The following AGAP2 variants were observed in gnomAD, a reference collection of about 807,000 sequenced individuals.
AGAP2 encodes the protein ArfGAP with GTPase domain, ankyrin repeat and PH domain 2, also known as arf-GAP with GTPase, ANK repeat and PH domain-containing protein 2.
In AGAP2, 32 loss-of-function variants were observed where a neutral mutation model predicts 110.9. The observed-to-expected ratio is 0.29, with a 90% CI of 0.22 to 0.39. The LOEUF is 0.39. Among genes scored for constraint, AGAP2 ranks in the 10% least tolerant of loss-of-function variants. The probability of loss-of-function intolerance (pLI) is 1.00; values close to 1 mark genes in which losing one functional copy is unlikely to be tolerated. For missense variants in AGAP2, 1,285 were observed against 1,638.5 expected (o/e 0.78, Z 3.72); for synonymous variants, 702 against 713.0 (o/e 0.98, Z 0.25).
chr12:57,738,051 G>T lies in AGAP2; in HGVS notation c.196C>A (p.His66Asn). 2.0e-6 allele frequency: 3 copies of T among 1,522,418 alleles called. No homozygotes were observed. The highest frequency in any genetic ancestry group is 2.8e-5 in the African/African-American group (2 of 70,760). The allele number at this position is 1,522,418 out of a possible 1,614,324, so 94.3% of individuals were successfully genotyped here. ...RGAEEPGKKR[H>N]ERLFHRQDAL... ...TCCTGCCGGTGGAAGAGACGTTCGTGCCGCTTCTTGCCCGGCTCCTCCGCG... is the reference window on the plus strand; with the variant it reads ...TCCTGCCGGTGGAAGAGACGTTCGTTCCGCTTCTTGCCCGGCTCCTCCGCG... Residue 66 changes from histidine to asparagine, a missense_variant, in exon 1 of 19, where the codon CAC (histidine) becomes AAC (asparagine). His to Asn is a moderately conservative substitution (Grantham distance 68). Transcript: ENST00000547588. This position sits in a 1 kb window ranked among gnomAD's most constrained non-coding sequence, Gnocchi z 6.7.
At chr12:57,740,605 G>A (rs910611616), upstream of AGAP2, among the ~76,000 whole-genome samples, 6 of 152,046 alleles carry the variant, frequency 3.9e-5, no homozygotes, top group Non-Finnish European at 7.4e-5. Context: ...GGCCTAAACC[G>A]CTCTTCTCCT....
Position 57,732,230 on chromosome 12 carries a change from G to T in AGAP2, c.1794+173C>A, listed in dbSNP as rs561073079. On this transcript the variant is annotated intron_variant, in intron 7 of 18. Coordinates refer to ENST00000547588, the MANE Select transcript of AGAP2 (RefSeq NM_001122772.3). ...GTTGCTTAAGGACACTGCAAATGAT[G>T]TCTCAAATCTGGTTGATTTCCAGTC... 3.3e-5 allele frequency among the ~76,000 whole-genome samples: 5 copies of T among 152,318 alleles called. No individual in the cohort carries two copies. The East Asian group carries it at 5.8e-4, about 18-fold the overall frequency.
At chr12:57,728,877 A>G (rs1381790959) in intron 13 of AGAP2, among the ~76,000 whole-genome samples, 1 of 152,144 alleles carries the variant, frequency 6.6e-6, no homozygotes, top group Non-Finnish European at 1.5e-5. Context: ...TATCGGGAGA[A>G]GGCCGGGCAC....
chr12:57,726,902 G>C lies in AGAP2; in HGVS notation c.3336+72C>G. On this transcript the variant is annotated intron_variant, in intron 18 of 18. Transcript: ENST00000547588. This position sits in a 1 kb window ranked among gnomAD's most constrained non-coding sequence, Gnocchi z 5.7. Reference sequence around the variant, plus strand: ...CTTCCGGGGTCCCTCTGGGAATTTCGGGCTTTCCCGCGCCAGGCGTTTTCC... The same window carrying C: ...CTTCCGGGGTCCCTCTGGGAATTTCCGGCTTTCCCGCGCCAGGCGTTTTCC... 1.4e-6 allele frequency: 2 copies of C among 1,481,278 alleles called. No individual in the cohort carries two copies. The highest frequency in any genetic ancestry group is 2.3e-5 in the East Asian group (1 of 42,826). The allele number at this position is 1,481,278 out of a possible 1,614,324, so 91.8% of individuals were successfully genotyped here. A position where few individuals can be genotyped will look rare whatever the true frequency, so the allele number is the denominator to read the frequency against.
rs576875241 is a variant in AGAP2, at chr12:57,734,152, C to T, written c.1423G>A (p.Val475Met). 6.2e-7 allele frequency: 1 copy of T among 1,612,056 alleles called. No individual in the cohort carries two copies. Among genetic ancestry groups the T allele is most frequent in the African/African-American group, 1.3e-5 (1 of 75,026 alleles). The change falls in exon 5 of 19, where the codon GTG becomes ATG. Residue 475 changes from valine to methionine, a missense_variant. Coordinates refer to ENST00000547588, the MANE Select transcript of AGAP2 (RefSeq NM_001122772.3). Reference sequence around the variant, plus strand: ...TCCTCCAGGCTGAAGACGAAGATCACAGCATCTGCCCAGCCTGAGAACTTG... The same window carrying T: ...TCCTCCAGGCTGAAGACGAAGATCATAGCATCTGCCCAGCCTGAGAACTTG... ...DAKFSGWADA[V>M]IFVFSLEDEN...
chr12:57,741,217 G>A (rs1595099817), upstream of AGAP2, among the ~76,000 whole-genome samples: 4 of 152,272 alleles, frequency 2.6e-5, no homozygotes, highest in South Asian at 8.3e-4. Context: ...GTGGCGGATG[G>A]TGTTGCCATG....
rs750480607 is a variant in AGAP2, at chr12:57,731,926, G to C, written c.1836C>G (p.Leu612=). 9.3e-6 allele frequency: 15 copies of C among 1,613,792 alleles called. No homozygotes were observed. Among genetic ancestry groups the C allele is most frequent in the Non-Finnish European group, 1.3e-5 (15 of 1,179,984 alleles). The part of the protein sequence containing the change: ...GGHTSDYSSS[L]PSSPNVGHRE... Reference sequence around the variant, plus strand: ...GGTGACCAACATTCGGTGAGGACGGGAGGGAAGAAGAGTAGTCGCTAGTGT... The same window carrying C: ...GGTGACCAACATTCGGTGAGGACGGCAGGGAAGAAGAGTAGTCGCTAGTGT... Residue 612 remains leucine, a synonymous_variant, in exon 8 of 19, where the codon CTC becomes CTG. Coordinates refer to ENST00000547588, the MANE Select transcript of AGAP2 (RefSeq NM_001122772.3).
upstream of AGAP2, among the ~76,000 whole-genome samples, chr12:57,741,501 A>G (rs780148264): frequency 5.3e-5 from 8 of 152,062 alleles, no homozygotes; most frequent in Non-Finnish European, 1.0e-4. Context: ...CTACAGCTGG[A>G]GAACAAGAGG....
chr12:57,738,007 C>A lies in AGAP2; in HGVS notation c.240G>T (p.Thr80=), dbSNP rs886167380. ...FHRQDALWIS[T]SSAGTGGAEP... ...CCGCGCCCCCGGTGCCCGCGCTGCT[C>A]GTGCTGATCCACAGCGCATCCTGCC... Residue 80 remains threonine, a synonymous_variant, in exon 1 of 19, where the codon ACG becomes ACT. Transcript: ENST00000547588. The surrounding 1 kb of genome is among the most constrained non-coding windows in gnomAD (Gnocchi z 6.7). 6.7e-7 allele frequency: 1 copy of A among 1,499,342 alleles called. No individual in the cohort carries two copies. Among genetic ancestry groups the A allele is most frequent in the South Asian group, 1.2e-5 (1 of 80,510 alleles). The allele number at this position is 1,499,342 out of a possible 1,614,324, so 92.9% of individuals were successfully genotyped here.
chr12:57,737,900 G>T lies in AGAP2; in HGVS notation c.347C>A (p.Ala116Asp), dbSNP rs992635664. The T allele has an allele frequency of 4.3e-6, 6 of 1,397,542 alleles. No individual in the cohort carries two copies. In the Admixed American group the frequency reaches 2.1e-4, roughly 50 times the overall value. 86.6% of individuals were successfully genotyped at this position (1,397,542 alleles called of 1,614,324 possible). A position where few individuals can be genotyped will look rare whatever the true frequency, so the allele number is the denominator to read the frequency against. Residue 116 changes from alanine (A) to aspartate (D), a missense_variant, in exon 1 of 19, where the codon GCC (alanine) becomes GAC (aspartate). This residue lies in a region of AGAP2 where 844 missense variants were observed against 941.2 expected (regional missense o/e 0.90). Transcript: ENST00000547588. This position sits in a 1 kb window ranked among gnomAD's most constrained non-coding sequence, Gnocchi z 5.9. ...PAPGRRLSLW[A>D]VPPGPPLSGG... ...GGAGAGCGGGGGTCCCGGAGGGACG[G>T]CCCAGAGGGAGAGGCGGCGGCCGGG...
chr12:57,733,952 C>G, intron 5 of AGAP2, 74 bp downstream of exon 5: 1 of 1,492,158 alleles, frequency 6.7e-7, no homozygotes, highest in Non-Finnish European at 8.9e-7. Flanking sequence ...CAAGTTCTCA[C>G]CCATGTTGGG....
rs1309401339 is a variant in AGAP2, at chr12:57,730,775, C to A, written c.2308+16G>T. The A allele has an allele frequency of 1.2e-6, 2 of 1,613,524 alleles. No homozygotes were observed. The highest frequency in any genetic ancestry group is 3.3e-5 in the Admixed American group (2 of 60,024). ...CCTGGCCCCTCTTCTGCTCCTATGTCATAAACCTTACTCACCCAGGCCTTC... is the reference window on the plus strand; with the variant it reads ...CCTGGCCCCTCTTCTGCTCCTATGTAATAAACCTTACTCACCCAGGCCTTC... On this transcript the variant is annotated intron_variant, in intron 11 of 18. Coordinates refer to ENST00000547588, the MANE Select transcript of AGAP2 (RefSeq NM_001122772.3).
rs1265222377 is a variant in AGAP2 at position 57,738,384 on chromosome 12, C to A, written c.-138G>T. On this transcript the variant is annotated 5_prime_UTR_variant, in exon 1 of 19. Coordinates refer to ENST00000547588, the MANE Select transcript of AGAP2 (RefSeq NM_001122772.3). This position sits in a 1 kb window ranked among gnomAD's most constrained non-coding sequence, Gnocchi z 6.7. ...AGCCCCCGGCCCGGCTCCGCTGTCGCCGCCGCCTCCGCCGCCTCCGCTTGC... is the reference window on the plus strand; with the variant it reads ...AGCCCCCGGCCCGGCTCCGCTGTCGACGCCGCCTCCGCCGCCTCCGCTTGC... 19 of 1,036,468 alleles carry A rather than the reference C, an allele frequency of 1.8e-5. No individual in the cohort carries two copies. Among genetic ancestry groups the A allele is most frequent in the Non-Finnish European group, 2.2e-5 (18 of 818,128 alleles). The allele number at this position is 1,036,468 out of a possible 1,614,324, so 64.2% of individuals were successfully genotyped here.
chr12:57,737,420 A>G lies in AGAP2; in HGVS notation c.827T>C (p.Leu276Ser). ...TCCCGGATGCAAGTCACTGTTGTCC[A>G]AGGTCTTACTCTTGCCTTTCCGAGG... ...LSPRKGKSKTLDNSDLHPGPP... is the reference protein window; with the variant it reads ...LSPRKGKSKTSDNSDLHPGPP... The change falls in exon 1 of 19, where the codon TTG (leucine) becomes TCG (serine). Residue 276 changes from leucine to serine, a missense_variant. This residue lies in a region of AGAP2 where 844 missense variants were observed against 941.2 expected (regional missense o/e 0.90). Transcript: ENST00000547588. The surrounding 1 kb of genome is among the most constrained non-coding windows in gnomAD (Gnocchi z 5.9). 1.2e-6 allele frequency: 2 copies of G among 1,613,682 alleles called. No homozygotes were observed. The highest frequency in any genetic ancestry group is 2.2e-5 in the South Asian group (2 of 91,078).
chr12:57,730,659 C>G, intron 11 of AGAP2, 45 bp from the exon 12 acceptor site: 1 of 1,606,850 alleles, frequency 6.2e-7, no homozygotes, highest in East Asian at 2.2e-5. Context: ...TTCTTCTGGC[C>G]CCATTCCTTA....
At position 57,734,289 on chromosome 12, in the gene AGAP2, C is replaced by T. The variant is rs754877861; in HGVS notation, c.1401+30G>A. Reference sequence around the variant, plus strand: ...TCCTTTGGCCAGTGCTGACCCCAGCCAGCCTGTCCCCCACCACCTCCACCC... The same window carrying T: ...TCCTTTGGCCAGTGCTGACCCCAGCTAGCCTGTCCCCCACCACCTCCACCC... On this transcript the variant is annotated intron_variant, in intron 4 of 18. Coordinates refer to ENST00000547588, the MANE Select transcript of AGAP2 (RefSeq NM_001122772.3). The T allele has an allele frequency of 2.5e-6, 4 of 1,613,946 alleles. No homozygotes were observed. In the Admixed American group the frequency reaches 6.7e-5, roughly 27 times the overall value.
rs368921784 is a variant in AGAP2 at position 57,731,766 on chromosome 12, T to C, written c.1953+43A>G. On this transcript the variant is annotated intron_variant, in intron 8 of 18. Transcript: ENST00000547588. ...GGGACTAGGGAAGATGGGCAGGTCA[T>C]GGGGGACAGGAGGATGGGGGTCAGC... 5.8e-6 allele frequency: 9 copies of C among 1,561,502 alleles called. No homozygotes were observed. In the African/African-American group the frequency reaches 1.2e-4, roughly 21 times the overall value.
At chr12:57,740,188 C>A (rs1394482083), upstream of AGAP2, among the ~76,000 whole-genome samples, 1 of 151,996 alleles carries the variant, frequency 6.6e-6, no homozygotes, top group South Asian at 2.1e-4. Flanking sequence ...CAGGAGCCCG[C>A]AGCGTGCTTG....
At chr12:57,733,896 C>T in intron 5 of AGAP2, 130 bp downstream of exon 5, 1 of 1,048,418 alleles carries the variant, frequency 9.5e-7, no homozygotes, top group Non-Finnish European at 1.3e-6. Context: ...GACCAGGCTC[C>T]CTCCAGAAGG....
Sources: allele counts gnomAD v4.1 joint callset (sites outside exome capture counted in the v4.1 genomes callset), GRCh38; gene constraint gnomAD v4.1.1; regional missense constraint gnomAD v4.1.1; non-coding constraint Gnocchi (gnomAD v3.1); transcripts MANE v1.5; gene names NCBI Gene and HGNC (gene_info 2026-07-23, HGNC 2026-07-21).